PNKD: variants seen among roughly 807,000 people sequenced by gnomAD.
The protein encoded by PNKD is probable thioesterase PNKD.
PNKD carries 36 observed loss-of-function variants against 45.3 expected under a neutral mutation model. The ratio of observed to expected loss-of-function variants is 0.80; its 90% CI spans 0.61 to 1.05. The LOEUF (loss-of-function observed/expected upper bound fraction) is 1.05. Among genes scored for constraint, PNKD ranks in the 50% least tolerant of loss-of-function variants. The pLI, the probability that PNKD is intolerant of heterozygous loss-of-function variation, is 0.00. For missense variants in PNKD, 511 were observed against 506.6 expected (o/e 1.01, Z -0.08); for synonymous variants, 197 against 210.1 (o/e 0.94, Z 0.54).
rs773321916 is a variant in PNKD, at chr2:218,340,687, G to A, written c.466-41G>A. The A allele has an allele frequency of 2.0e-6, 3 of 1,520,270 alleles. No homozygotes were observed. In the African/African-American group the frequency reaches 4.1e-5, roughly 21 times the overall value. 94.2% of individuals were successfully genotyped at this position (1,520,270 alleles called of 1,614,324 possible). A position where few individuals can be genotyped will look rare whatever the true frequency, so the allele number is the denominator to read the frequency against. On this transcript the variant is annotated intron_variant, in intron 4 of 9. Coordinates refer to ENST00000273077, the MANE Select transcript of PNKD (RefSeq NM_015488.5). This position sits in a 1 kb window ranked among gnomAD's most constrained non-coding sequence, Gnocchi z 4.2. ...GCTCTTGCTGCTTCAAGTGCCTCTT[G>A]CATCCTGCTCCCCAGTCTCCAAACC...
At chr2:218,280,588 G>T in intron 2 of PNKD, 1 of 222,192 alleles carries the variant, frequency 4.5e-6, no homozygotes, top group Non-Finnish European at 9.1e-6. Flanking sequence ...GGTGTGCAAA[G>T]GGTGTGCGTG....
At chr2:218,297,768 G>A (rs1466125990) in intron 2 of PNKD, among the ~76,000 whole-genome samples, 12 of 150,914 alleles carry the variant, frequency 8.0e-5, no homozygotes, top group Non-Finnish European at 1.5e-4. Flanking sequence ...GAGAGGCCGA[G>A]GCGGGCAGAT....
At chr2:218,328,817 C>T (rs1444650231) in intron 2 of PNKD, among the ~76,000 whole-genome samples, 1 of 152,248 alleles carries the variant, frequency 6.6e-6, no homozygotes, top group Non-Finnish European at 1.5e-5. Context: ...AGACCGCCCC[C>T]AGCACTGTCT....
chr2:218,343,457 G>A, intron 7 of PNKD, 43 bp from the exon 8 acceptor site: 1 of 1,473,728 alleles, frequency 6.8e-7, no homozygotes. Context: ...GCCATATTGT[G>A]TTATCCTGGC....
intron 2 of PNKD, among the ~76,000 whole-genome samples, chr2:218,309,180 C>T (rs953610260): frequency 1.2e-4 from 18 of 151,426 alleles, no homozygotes; most frequent in Non-Finnish European, 1.9e-4. Flanking sequence ...TCATATTTTT[C>T]GTAGAAATGG....
At chr2:218,294,163 A>G (rs1693079717) in intron 2 of PNKD, among the ~76,000 whole-genome samples, 1 of 152,094 alleles carries the variant, frequency 6.6e-6, no homozygotes, top group South Asian at 2.1e-4. Flanking sequence ...CAGAGCAAGT[A>G]CAGTTCTGCT....
chr2:218,315,042 CTTTCTTTCTTTCTTT>C (rs2106265317), intron 2 of PNKD, among the ~76,000 whole-genome samples: 1 of 86,444 alleles, frequency 1.2e-5, no homozygotes. Context: ...CTTTCTTTTT[CTTTCTTTCTTTCTTT>C]CTTCCTTCCT....
intron 2 of PNKD, among the ~76,000 whole-genome samples, chr2:218,288,054 A>C (rs1403301887): frequency 6.6e-6 from 1 of 152,212 alleles, no homozygotes; most frequent in African/African-American, 2.4e-5. Context: ...TCTTTGTTTC[A>C]TCTCCTGTCT....
chr2:218,311,063 A>C (rs934310698), intron 2 of PNKD, among the ~76,000 whole-genome samples: 3 of 152,200 alleles, frequency 2.0e-5, no homozygotes, highest in Non-Finnish European at 4.4e-5. Flanking sequence ...CACAACTACA[A>C]AATCACCTGA....
Position 218,340,007 on chromosome 2 carries a change from C to T in PNKD, c.353-22C>T, listed in dbSNP as rs540232742. On this transcript the variant is annotated intron_variant, in intron 3 of 9. Coordinates refer to ENST00000273077, the MANE Select transcript of PNKD (RefSeq NM_015488.5). This position sits in a 1 kb window ranked among gnomAD's most constrained non-coding sequence, Gnocchi z 4.2. ...TGGGCTCCCTGCCTGTTACCCCGCC[C>T]ACAGCCCATCTCTGTCCCCAGGAGT... 1.1e-5 allele frequency: 17 copies of T among 1,558,670 alleles called. No individual in the cohort carries two copies. The South Asian group carries it at 1.9e-4, about 17-fold the overall frequency.
At chr2:218,342,706 GA>G (rs1243277915) in intron 7 of PNKD, among the ~76,000 whole-genome samples, 4 of 150,734 alleles carry the variant, frequency 2.7e-5, no homozygotes, top group South Asian at 2.1e-4. Flanking sequence ...TCACAAAACA[GA>G]AAAAAAAATT....
chr2:218,271,937 A>G (rs1690852288), intron 2 of PNKD, among the ~76,000 whole-genome samples: 1 of 152,232 alleles, frequency 6.6e-6, no homozygotes, highest in Non-Finnish European at 1.5e-5. Context: ...TGACCTTAAT[A>G]CATATTATTG....
chr2:218,272,502 C>G (rs1375983211), intron 2 of PNKD: 83 of 1,442,004 alleles, frequency 5.8e-5, no homozygotes, highest in Non-Finnish European at 7.7e-5. Flanking sequence ...GCTAGAATGA[C>G]TCCCCCCAGC....
At chr2:218,305,353 T>C (rs78652271) in intron 2 of PNKD, among the ~76,000 whole-genome samples, 4 of 150,720 alleles carry the variant, frequency 2.7e-5, no homozygotes, top group Admixed American at 2.6e-4. Flanking sequence ...TGTTAGTTTG[T>C]ATGTTTGTTT....
chr2:218,290,526 G>T (rs997445066), intron 2 of PNKD, among the ~76,000 whole-genome samples: 6 of 152,142 alleles, frequency 3.9e-5, no homozygotes, highest in African/African-American at 1.2e-4. Context: ...GATCTCTGGC[G>T]AGGGTCCTCC....
chr2:218,280,803 T>TC (rs1691838149), intron 2 of PNKD: 2 of 145,156 alleles, frequency 1.4e-5, no homozygotes, highest in Admixed American at 1.4e-4. Context: ...TCACCTCATT[T>TC]CCTTTTTTTT....
In PNKD at chr2:218,345,773, T is replaced by C. The variant is rs1694813339; in HGVS notation, c.*792T>C. Reference sequence around the variant, plus strand: ...GGTTGTACCCACTGGCCTCTGCCTCTGCCCTGGGCCAAAAGGGCCCCTCCT... The same window carrying C: ...GGTTGTACCCACTGGCCTCTGCCTCCGCCCTGGGCCAAAAGGGCCCCTCCT... On this transcript the variant is annotated 3_prime_UTR_variant, in exon 10 of 10. Transcript: ENST00000273077. 1 of 152,486 alleles carries C rather than the reference T, an allele frequency of 6.6e-6. No homozygotes were observed. 9.4% of individuals were successfully genotyped at this position (152,486 alleles called of 1,614,324 possible).
At chr2:218,323,200 G>A in intron 2 of PNKD, 3 of 1,388,868 alleles carry the variant, frequency 2.2e-6, no homozygotes, top group South Asian at 1.5e-5. Flanking sequence ...TTCCCCGCGG[G>A]GGGCCGGGGC....
At chr2:218,323,264 CA>C in intron 2 of PNKD, 2 of 1,524,020 alleles carry the variant, frequency 1.3e-6, no homozygotes, top group Non-Finnish European at 1.8e-6. Context: ...TGCCTGCCCC[CA>C]GCATGGCTTG....
Sources: gnomAD v4.1 joint callset for allele counts (sites outside exome capture counted in the v4.1 genomes callset) on GRCh38, gnomAD v4.1.1 for gene constraint, Gnocchi (gnomAD v3.1) non-coding constraint, MANE v1.5 for transcripts, NCBI Gene and HGNC (gene_info 2026-07-23, HGNC 2026-07-21) for gene names.